Variants in MYZAP observed in about 807,000 individuals in gnomAD.
MYZAP encodes the protein myocardial zonula adherens protein, also known as GRINL1A complex locus upstream.
A neutral mutation model predicts 69.4 loss-of-function variants in MYZAP; 66 were observed. The observed-to-expected ratio is 0.95, with a 90% CI of 0.78 to 1.17. The LOEUF is 1.17. Among genes scored for constraint, MYZAP ranks in the 50% most tolerant of loss-of-function variants. MYZAP has a pLI of 0.00. For synonymous variants in MYZAP, 256 were observed against 205.9 expected (o/e 1.24, Z -2.09); for missense variants, 611 against 556.2 (o/e 1.10, Z -0.99).
intron 10 of MYZAP, among the ~76,000 whole-genome samples, chr15:57,641,791 C>T (rs998190173): frequency 6.6e-6 from 1 of 152,130 alleles, no homozygotes; most frequent in African/African-American, 2.4e-5. Flanking sequence ...TTTGCTATAG[C>T]CATTTATGTG....
chr15:57,610,870 G>T (rs1263370275), intron 2 of MYZAP, among the ~76,000 whole-genome samples: 1 of 152,094 alleles, frequency 6.6e-6, no homozygotes, highest in African/African-American at 2.4e-5. Flanking sequence ...CTAACCTTCT[G>T]AGACTTTGTG....
At chr15:57,612,879 T>C (rs2453098) in intron 2 of MYZAP, among the ~76,000 whole-genome samples, 10,685 of 152,184 alleles carry the variant, frequency 0.07, 1,027 homozygotes, top group African/African-American at 0.22. Flanking sequence ...CCCTTTCAGT[T>C]AATTTTCCTT....
chr15:57,614,848 A>G (rs1439665564), intron 2 of MYZAP, among the ~76,000 whole-genome samples: 2 of 152,252 alleles, frequency 1.3e-5, no homozygotes, highest in East Asian at 1.9e-4. Flanking sequence ...AAGAGAAGTC[A>G]TACTATTTAC....
At chr15:57,646,898 A>G in intron 10 of MYZAP, 1 of 985,410 alleles carries the variant, frequency 1.0e-6, no homozygotes, top group African/African-American at 1.7e-5. Flanking sequence ...TCCTTCATGT[A>G]TGTTTTATTT....
At chr15:57,670,566 A>T (rs2140601343) in intron 11 of MYZAP, among the ~76,000 whole-genome samples, 1 of 152,162 alleles carries the variant, frequency 6.6e-6, no homozygotes, top group African/African-American at 2.4e-5. Context: ...TGGAGTATGT[A>T]GTTTACTAAT....
chr15:57,661,521 C>G lies in MYZAP; in HGVS notation c.1191C>G (p.Phe397Leu), dbSNP rs2038306036. 1 of 1,609,608 alleles carries G rather than the reference C, an allele frequency of 6.2e-7. No individual in the cohort carries two copies. The highest frequency in any genetic ancestry group is 1.3e-5 in the African/African-American group (1 of 74,704). The change falls in exon 11 of 13, where the codon TTC becomes TTG. Residue 397 changes from phenylalanine (F) to leucine (L), a missense_variant. By Grantham distance (22) the Phe-to-Leu change is conservative. Transcript: ENST00000267853. ...TGCAGCTTTTAGAAAAGATATCTTT[C>G]TTAGAAGGAGAGGTAAGGATCTCTG... Reference protein sequence around the residue: ...LILQLLEKISFLEGENNELQS... With the variant: ...LILQLLEKISLLEGENNELQS...
intron 10 of MYZAP, among the ~76,000 whole-genome samples, chr15:57,654,958 G>C (rs1200201517): frequency 2.0e-5 from 3 of 151,998 alleles, no homozygotes; most frequent in African/African-American, 7.3e-5. Context: ...GGTGATTTCA[G>C]CTCCTGAGAG....
intron 10 of MYZAP, among the ~76,000 whole-genome samples, chr15:57,660,913 A>C (rs2038263333): frequency 6.6e-6 from 1 of 152,188 alleles, no homozygotes; most frequent in African/African-American, 2.4e-5. Flanking sequence ...CAGTCCTCTG[A>C]ATTTCAACAC....
chr15:57,602,844 A>G (rs2034504057), intron 1 of MYZAP, among the ~76,000 whole-genome samples: 1 of 152,180 alleles, frequency 6.6e-6, no homozygotes, highest in South Asian at 2.1e-4. Flanking sequence ...TTAAATGAAT[A>G]AATACCTGTA....
chr15:57,595,029 T>G (rs1232065394), intron 1 of MYZAP, among the ~76,000 whole-genome samples: 1 of 152,204 alleles, frequency 6.6e-6, no homozygotes, highest in Non-Finnish European at 1.5e-5. Context: ...GGTCCAGATA[T>G]TCAAGCCAAC....
At chr15:57,629,630 C>T (rs2036375305) in intron 5 of MYZAP, 72 bp from the exon 6 acceptor site, 2 of 1,542,984 alleles carry the variant, frequency 1.3e-6, no homozygotes, top group Non-Finnish European at 8.7e-7. Flanking sequence ...AAGGGGATGC[C>T]CCAGCATGTG....
At chr15:57,649,707 A>G (rs1265745437) in intron 10 of MYZAP, among the ~76,000 whole-genome samples, 1 of 152,128 alleles carries the variant, frequency 6.6e-6, no homozygotes, top group Non-Finnish European at 1.5e-5. Context: ...GCAGAAGTAA[A>G]GTTAATCTTT....
At chr15:57,604,192 G>A in intron 1 of MYZAP, 77 bp from the exon 2 acceptor site, 1 of 1,466,328 alleles carries the variant, frequency 6.8e-7, no homozygotes, top group South Asian at 1.2e-5. Flanking sequence ...AATGGGCTGT[G>A]AGAAGCCCAA....
intron 2 of MYZAP, among the ~76,000 whole-genome samples, chr15:57,615,276 T>A (rs2035360473): frequency 6.6e-6 from 1 of 152,232 alleles, no homozygotes; most frequent in Non-Finnish European, 1.5e-5. Context: ...ATGTTTTACA[T>A]ACACAAACAC....
At chr15:57,665,305 CA>C (rs755213670) in intron 11 of MYZAP, among the ~76,000 whole-genome samples, 11 of 152,348 alleles carry the variant, frequency 7.2e-5, no homozygotes, top group Non-Finnish European at 1.5e-4. Flanking sequence ...GGCAATATTT[CA>C]GCTTCTTTTA....
intron 11 of MYZAP, among the ~76,000 whole-genome samples, chr15:57,666,597 C>T (rs1466916202): frequency 1.3e-5 from 2 of 152,074 alleles, no homozygotes; most frequent in African/African-American, 4.8e-5. Context: ...TTCCTGATCC[C>T]GCTGATGAGT....
rs374058925 is a variant in MYZAP, at chr15:57,618,053, A to C, written c.183A>C (p.Gly61=). 6.4e-5 allele frequency: 104 copies of C among 1,613,722 alleles called. No individual in the cohort carries two copies. Among genetic ancestry groups the C allele is most frequent in the Non-Finnish European group, 8.6e-5 (101 of 1,179,964 alleles). Reference sequence around the variant, plus strand: ...TTTAGCTTCTTGACCTGAGCAATGGAGAACCTACCAGGAAACTTCCTCAGG... The same window carrying C: ...TTTAGCTTCTTGACCTGAGCAATGGCGAACCTACCAGGAAACTTCCTCAGG... The part of the protein sequence containing the change: ...RKEQLLDLSN[G]EPTRKLPQGV... The change falls in exon 3 of 13, where the codon GGA becomes GGC. Residue 61 remains glycine (G), a synonymous_variant. Coordinates refer to ENST00000267853, the MANE Select transcript of MYZAP (RefSeq NM_001018100.5).
intron 11 of MYZAP, among the ~76,000 whole-genome samples, chr15:57,670,340 G>C (rs1343408036): frequency 6.6e-6 from 1 of 151,798 alleles, no homozygotes; most frequent in Admixed American, 6.6e-5. Flanking sequence ...ATGAAATGTT[G>C]GTCCCTACCT....
At chr15:57,608,435 CT>C (rs1397206156) in intron 2 of MYZAP, among the ~76,000 whole-genome samples, 5 of 152,212 alleles carry the variant, frequency 3.3e-5, no homozygotes, top group Admixed American at 2.0e-4. Flanking sequence ...TCAGCACCTT[CT>C]TATGGAGTCA....
Sources: allele counts gnomAD v4.1 joint callset (sites outside exome capture counted in the v4.1 genomes callset), GRCh38; gene constraint gnomAD v4.1.1; transcripts MANE v1.5; gene names NCBI Gene and HGNC (gene_info 2026-07-23, HGNC 2026-07-21).